PAK3: variants seen among roughly 807,000 people sequenced by gnomAD.
PAK3 encodes serine/threonine-protein kinase PAK 3.
In PAK3, 4 loss-of-function variants were observed where a neutral mutation model predicts 41.0. That is an observed-to-expected ratio of 0.10 (90% confidence interval 0.05 to 0.22). The LOEUF (loss-of-function observed/expected upper bound fraction) is 0.22, where lower values mean the gene tolerates loss of function less well. PAK3 is among the 10% of genes least tolerant of loss of function. The probability of loss-of-function intolerance (pLI) is 1.00; values close to 1 mark genes in which losing one functional copy is unlikely to be tolerated. For synonymous variants in PAK3, 146 were observed against 139.6 expected, an observed-to-expected ratio of 1.05 and a Z score of -0.32; for missense variants, 205 against 409.9, an observed-to-expected ratio of 0.50 and a Z score of 4.32.
In PAK3 at chrX:111,123,590, G is replaced by A. The variant is rs77651148; in HGVS notation, c.175+312G>A. Among the ~76,000 whole-genome samples the A allele has an allele frequency of 7.6e-3, 855 of 112,512 alleles. 4 individuals carry two copies. Among genetic ancestry groups the A allele is most frequent in the Middle Eastern group, 0.023 (5 of 219 alleles). ...ACTTTCTTTCTGATAATGTAGAGTA[G>A]AATTTACAATAATCCCTCCCTAACT... On this transcript the variant is annotated intron_variant, in intron 5 of 17. Coordinates refer to ENST00000372007, the MANE Select transcript of PAK3 (RefSeq NM_002578.5).
At chrX:111,076,412 T>G (rs1477879290) in intron 1 of PAK3, among the ~76,000 whole-genome samples, 1 of 111,421 alleles carries the variant, frequency 9.0e-6, no homozygotes, top group African/African-American at 3.3e-5. Context: ...ACACGTAAGA[T>G]CTGGTTGTTT....
intron 1 of PAK3, among the ~76,000 whole-genome samples, chrX:110,969,345 G>A (rs182229911): frequency 1.1e-3 from 108 of 101,851 alleles, no homozygotes; most frequent in Non-Finnish European, 1.7e-3. Context: ...GTGCAATGGC[G>A]CGATCTCAGC....
chrX:111,086,183 C>T (rs777062947), intron 1 of PAK3, among the ~76,000 whole-genome samples: 6 of 110,343 alleles, frequency 5.4e-5, no homozygotes, highest in Non-Finnish European at 9.5e-5. Flanking sequence ...TTCTTTGAGG[C>T]GCTGTTTGTG....
At chrX:110,985,681 C>G (rs1254495925) in intron 1 of PAK3, among the ~76,000 whole-genome samples, 4 of 111,763 alleles carry the variant, frequency 3.6e-5, no homozygotes, top group Non-Finnish European at 7.5e-5. Flanking sequence ...GTATAACCAG[C>G]ACGTATTGAG....
rs141763017 is a variant in PAK3 at position 111,062,379 on chromosome X, G to A, written c.-27-60698G>A. Among the ~76,000 whole-genome samples the A allele has an allele frequency of 6.6e-3, 742 of 112,111 alleles. 1 individual carries two copies. The highest frequency in any genetic ancestry group is 9.2e-3 in the Middle Eastern group (2 of 218). On this transcript the variant is annotated intron_variant, in intron 1 of 14. Transcript: ENST00000425146. ...TAATTTACTAGAAGATTTGTTAAAC[G>A]TGAATGTATGGTATACTGTGTGTGG...
chrX:111,218,964 C>T (rs985624887), intron 17 of PAK3, among the ~76,000 whole-genome samples: 14 of 109,781 alleles, frequency 1.3e-4, no homozygotes, highest in Admixed American at 3.9e-4. Flanking sequence ...CCGAGGCAGG[C>T]GGATCACCTG....
intron 16 of PAK3, among the ~76,000 whole-genome samples, chrX:111,212,739 G>A (rs1468295585): frequency 4.5e-5 from 5 of 112,108 alleles, no homozygotes. Context: ...GGATTTTTGT[G>A]TAAATTGGAC....
intron 1 of PAK3, among the ~76,000 whole-genome samples, chrX:111,073,225 C>T (rs2092759805): frequency 9.0e-6 from 1 of 111,262 alleles, no homozygotes; most frequent in Admixed American, 9.6e-5. Context: ...AATGCAGCAA[C>T]GTTCCCTATT....
At chrX:111,102,240 G>A (rs2093156054) in intron 3 of PAK3, among the ~76,000 whole-genome samples, 2 of 111,616 alleles carry the variant, frequency 1.8e-5, no homozygotes, top group South Asian at 7.7e-4. Context: ...AAAGGGAGGG[G>A]TCAAAGAGAC....
At chrX:111,071,371 T>G (rs2092742814) in intron 1 of PAK3, among the ~76,000 whole-genome samples, 1 of 112,178 alleles carries the variant, frequency 8.9e-6, no homozygotes, top group African/African-American at 3.2e-5. Flanking sequence ...CTTTAAGCAT[T>G]CTGTGCCTAA....
chrX:111,141,551 A>G (rs1727288713), intron 5 of PAK3, among the ~76,000 whole-genome samples: 2 of 112,397 alleles, frequency 1.8e-5, no homozygotes, highest in African/African-American at 6.4e-5. Flanking sequence ...GGTTTGTAAC[A>G]TAATTGATTT....
Position 110,990,972 on chromosome X carries a change from C to T in PAK3, c.-28+46344C>T, listed in dbSNP as rs183420601. On this transcript the variant is annotated intron_variant, in intron 1 of 14. Transcript: ENST00000425146. ...AGCAAAACCTCATCTCTAAAAAATACACAAAAATTAGCTGGGTGTGGTGGT... is the reference window on the plus strand; with the variant it reads ...AGCAAAACCTCATCTCTAAAAAATATACAAAAATTAGCTGGGTGTGGTGGT... 4.0e-3 allele frequency among the ~76,000 whole-genome samples: 442 copies of T among 109,552 alleles called. 4 individuals are homozygous for T. The highest frequency in any genetic ancestry group is 0.014 in the African/African-American group (431 of 30,161).
At chrX:111,077,238 G>C (rs1886376794) in intron 1 of PAK3, among the ~76,000 whole-genome samples, 1 of 111,357 alleles carries the variant, frequency 9.0e-6, no homozygotes, top group Non-Finnish European at 1.9e-5. Context: ...ACTACCCAAA[G>C]CAATCCACAG....
intron 3 of PAK3, among the ~76,000 whole-genome samples, chrX:111,099,756 C>A (rs1301355421): frequency 2.0e-5 from 2 of 99,453 alleles, no homozygotes; most frequent in African/African-American, 7.4e-5. Context: ...CAGTCTGGGA[C>A]CCCTGTTGTG....
At chrX:110,947,971 A>T (rs1309230420) in intron 1 of PAK3, among the ~76,000 whole-genome samples, 1 of 112,197 alleles carries the variant, frequency 8.9e-6, no homozygotes, top group Non-Finnish European at 1.9e-5. Flanking sequence ...GCTTAGAAGA[A>T]AGGCTGTATG....
intron 1 of PAK3, among the ~76,000 whole-genome samples, chrX:111,059,121 C>CTTTTTTT (rs386417402): frequency 1.1e-4 from 7 of 61,011 alleles, no homozygotes; most frequent in African/African-American, 3.8e-4. Context: ...TCAACTTTTC[C>CTTTTTTT]TTTTTTTTTT....
chrX:111,003,820 C>A (rs1030707955), intron 1 of PAK3, among the ~76,000 whole-genome samples: 1 of 111,634 alleles, frequency 9.0e-6, no homozygotes, highest in Admixed American at 9.5e-5. Context: ...AAATCCAGAA[C>A]AAATTTCACA....
intron 1 of PAK3, among the ~76,000 whole-genome samples, chrX:110,948,887 T>A (rs2090681671): frequency 8.9e-6 from 1 of 112,486 alleles, no homozygotes; most frequent in South Asian, 3.7e-4. Context: ...TTATTCGCTG[T>A]TCTGGAGTAC....
chrX:111,196,703 C>T, intron 16 of PAK3, 63 bp downstream of exon 16: 1 of 822,878 alleles, frequency 1.2e-6, no homozygotes, highest in Non-Finnish European at 1.8e-6. Context: ...AATATCATTT[C>T]TGGCTTCCAC....
Sources: allele counts gnomAD v4.1 joint callset (sites outside exome capture counted in the v4.1 genomes callset), GRCh38; gene constraint gnomAD v4.1.1; transcripts MANE v1.5; gene names NCBI Gene and HGNC (gene_info 2026-07-23, HGNC 2026-07-21).